Variants in NLN observed in about 807,000 individuals in gnomAD.
NLN encodes neurolysin, also known as neurolysin, mitochondrial.
NLN carries 64 observed loss-of-function variants against 79.9 expected under a neutral mutation model. The ratio of observed to expected loss-of-function variants is 0.80; its 90% CI spans 0.65 to 0.99. NLN has a LOEUF of 0.99. Among genes scored for constraint, NLN ranks in the 50% least tolerant of loss-of-function variants. The pLI is 0.00. For missense variants in NLN, 835 were observed against 858.7 expected (o/e 0.97, Z 0.34); for synonymous variants, 267 against 296.6 (o/e 0.90, Z 1.02).
At chr5:65,758,212 G>T (rs1215828386) in intron 1 of NLN, among the ~76,000 whole-genome samples, 8 of 151,998 alleles carry the variant, frequency 5.3e-5, no homozygotes. Context: ...CTCCAGCGTG[G>T]GCAACAGAAT....
intron 1 of NLN, among the ~76,000 whole-genome samples, chr5:65,726,113 A>G (rs1290450869): frequency 6.9e-5 from 2 of 29,072 alleles, no homozygotes; most frequent in African/African-American, 2.2e-4. Flanking sequence ...CTCCGTCTCA[A>G]AAAAAAAAAA....
chr5:65,819,942 TTGCTC>T (rs955323972), intron 12 of NLN, among the ~76,000 whole-genome samples: 1 of 152,224 alleles, frequency 6.6e-6, no homozygotes, highest in Non-Finnish European at 1.5e-5. Context: ...TAAAAGACCA[TTGCTC>T]TGTAATTCAG....
At chr5:65,737,813 A>C (rs971239074) in intron 1 of NLN, among the ~76,000 whole-genome samples, 2 of 152,306 alleles carry the variant, frequency 1.3e-5, no homozygotes, top group African/African-American at 4.8e-5. Context: ...TACAGAAAAA[A>C]AGTAGACCTA....
rs1760893624 is a variant in NLN, at chr5:65,825,263, T to A, written c.*2348T>A. The A allele has an allele frequency of 6.6e-6, 1 of 152,146 alleles. No individual in the cohort carries two copies. Among genetic ancestry groups the A allele is most frequent in the South Asian group, 2.1e-4 (1 of 4,832 alleles). The allele number at this position is 152,146 out of a possible 1,614,324, so 9.4% of individuals were successfully genotyped here. ...TCCAGATCAGAGCAGAGAATATCAC[T>A]GACATGCTTGAAATGGTGGATAACT... On this transcript the variant is annotated 3_prime_UTR_variant, in exon 13 of 13. Transcript: ENST00000380985.
At chr5:65,809,918 G>A (rs1760506176) in intron 10 of NLN, 119 bp from the exon 11 acceptor site, 1 of 1,190,178 alleles carries the variant, frequency 8.4e-7, no homozygotes, top group African/African-American at 1.5e-5. Context: ...AGAATGAGAT[G>A]TCCTGCTCCC....
intron 8 of NLN, among the ~76,000 whole-genome samples, chr5:65,791,757 G>T (rs1314893683): frequency 3.9e-5 from 6 of 151,988 alleles, no homozygotes; most frequent in Non-Finnish European, 7.4e-5. Flanking sequence ...GGTACTATTA[G>T]TCTTCTGAGC....
In NLN at chr5:65,780,178, G is replaced by T; in HGVS notation, c.559-1G>T. Reference sequence around the variant, plus strand: ...GCCCTGTATTTTTATCTTCCTTTCAGGAAATCAAATCAATGAAGAAAAGAA... The same window carrying T: ...GCCCTGTATTTTTATCTTCCTTTCATGAAATCAAATCAATGAAGAAAAGAA... On this transcript the variant is annotated splice_acceptor_variant, in intron 4 of 12. Transcript: ENST00000380985. LOFTEE classifies it high-confidence loss of function. The T allele has an allele frequency of 8.1e-7, 1 of 1,229,052 alleles. No individual in the cohort carries two copies. The highest frequency in any genetic ancestry group is 1.2e-6 in the Non-Finnish European group (1 of 843,674). The allele number at this position is 1,229,052 out of a possible 1,614,324, so 76.1% of individuals were successfully genotyped here.
At chr5:65,735,734 T>C (rs1758714484) in intron 1 of NLN, among the ~76,000 whole-genome samples, 1 of 152,326 alleles carries the variant, frequency 6.6e-6, no homozygotes, top group Admixed American at 6.5e-5. Flanking sequence ...ATCAAAACTC[T>C]CTTGTGGTTT....
chr5:65,813,756 A>G (rs1319842081), intron 12 of NLN, among the ~76,000 whole-genome samples: 1 of 151,980 alleles, frequency 6.6e-6, no homozygotes, highest in African/African-American at 2.4e-5. Context: ...GCAAGACCTC[A>G]TCTCTACAAA....
At chr5:65,754,203 G>C (rs1759166691) in intron 1 of NLN, among the ~76,000 whole-genome samples, 2 of 152,254 alleles carry the variant, frequency 1.3e-5, no homozygotes, top group East Asian at 3.9e-4. Context: ...TGATCTATGG[G>C]CTCTATGGTG....
intron 7 of NLN, among the ~76,000 whole-genome samples, chr5:65,787,418 G>C (rs1759954548): frequency 6.6e-6 from 1 of 152,124 alleles, no homozygotes; most frequent in Non-Finnish European, 1.5e-5. Flanking sequence ...CTCTCACATT[G>C]TGAGGTTGCC....
intron 2 of NLN, 39 bp from the exon 3 acceptor site, chr5:65,762,921 G>C: frequency 6.2e-7 from 1 of 1,604,030 alleles, no homozygotes; most frequent in Non-Finnish European, 8.5e-7. Context: ...GATTTGACAA[G>C]TCCTGTTGTG....
At chr5:65,821,054 A>G (rs1047304222) in intron 12 of NLN, among the ~76,000 whole-genome samples, 1 of 151,736 alleles carries the variant, frequency 6.6e-6, no homozygotes, top group Non-Finnish European at 1.5e-5. Context: ...AAAAAAAAAA[A>G]AAAAGAAAAG....
chr5:65,784,613 G>A (rs924949437), intron 6 of NLN, among the ~76,000 whole-genome samples: 2 of 152,148 alleles, frequency 1.3e-5, no homozygotes, highest in African/African-American at 2.4e-5. Flanking sequence ...TAATTCATTG[G>A]TCAATTCCCA....
chr5:65,781,185 A>G (rs1759792201), intron 5 of NLN, 76 bp from the exon 6 acceptor site: 10 of 847,930 alleles, frequency 1.2e-5, no homozygotes, highest in Non-Finnish European at 1.9e-5. Context: ...TAGAGCTACC[A>G]AAAGGCACCA....
At chr5:65,809,280 C>T (rs1760488473) in intron 9 of NLN, 1 of 369,334 alleles carries the variant, frequency 2.7e-6, no homozygotes, top group South Asian at 1.0e-4. Flanking sequence ...CCAACTTTGT[C>T]TACAATTCAA....
chr5:65,775,346 A>G (rs949522884), intron 3 of NLN, among the ~76,000 whole-genome samples: 2 of 152,164 alleles, frequency 1.3e-5, no homozygotes, highest in African/African-American at 4.8e-5. Flanking sequence ...AATGTGGCCC[A>G]GGAACCCAGG....
At chr5:65,781,503 C>A in intron 6 of NLN, 82 bp downstream of exon 6, 1 of 991,978 alleles carries the variant, frequency 1.0e-6, no homozygotes, top group South Asian at 1.3e-5. Context: ...GTGTCAAAGT[C>A]AGCTCAGAGA....
intron 6 of NLN, among the ~76,000 whole-genome samples, chr5:65,784,754 C>T (rs543321962): frequency 1.1e-4 from 16 of 152,228 alleles, no homozygotes; most frequent in Non-Finnish European, 2.2e-4. Flanking sequence ...TTTTCTGCAG[C>T]CATCACCTGT....
Sources: gnomAD v4.1 joint callset for allele counts (sites outside exome capture counted in the v4.1 genomes callset) on GRCh38, gnomAD v4.1.1 for gene constraint, MANE v1.5 for transcripts, NCBI Gene and HGNC (gene_info 2026-07-23, HGNC 2026-07-21) for gene names.